TRPM2: variants seen among roughly 807,000 people sequenced by gnomAD.
TRPM2 encodes the protein transient receptor potential cation channel subfamily M member 2.
TRPM2 carries 161 observed loss-of-function variants against 174.0 expected under a neutral mutation model. The ratio of observed to expected loss-of-function variants is 0.93; its 90% confidence interval spans 0.81 to 1.05. The LOEUF (loss-of-function observed/expected upper bound fraction) is 1.05. Ranked by LOEUF, TRPM2 falls within the 50% of genes least tolerant of loss-of-function variation. The pLI, the probability that TRPM2 is intolerant of heterozygous loss-of-function variation, is 0.00. For synonymous variants in TRPM2, 954 were observed against 861.3 expected (o/e 1.11, Z -1.88); for missense variants, 2,057 against 2,038.0 (o/e 1.01, Z -0.18).
chr21:44,425,702 G>A lies in TRPM2; in HGVS notation c.3670G>A (p.Glu1224Lys). 1 of 1,558,956 alleles carries A rather than the reference G, an allele frequency of 6.4e-7. No homozygotes were observed. Among genetic ancestry groups the A allele is most frequent in the Non-Finnish European group, 8.7e-7 (1 of 1,149,876 alleles). ...SQKAAEEPDA[E>K]PGGRKKTEEP... ...GAAGGCCGCGGAGGAGCCGGATGCTGAGCCGGGAGGCAGGAAGAAGACGGA... is the reference window on the plus strand; with the variant it reads ...GAAGGCCGCGGAGGAGCCGGATGCTAAGCCGGGAGGCAGGAAGAAGACGGA... Residue 1224 changes from glutamate (E) to lysine (K), a missense_variant, in exon 25 of 32, where the codon GAG (glutamate) becomes AAG (lysine). Physicochemically the swap from Glu to Lys is moderately conservative, Grantham distance 56. Coordinates refer to ENST00000397928, the MANE Select transcript of TRPM2 (RefSeq NM_003307.4).
chr21:44,358,820 C>A (rs1286003048), intron 2 of TRPM2, among the ~76,000 whole-genome samples: 1 of 152,176 alleles, frequency 6.6e-6, no homozygotes, highest in Non-Finnish European at 1.5e-5. Context: ...CTTGGTCTCG[C>A]TGACTTCAAG....
chr21:44,351,579 T>G (rs1479217609), upstream of TRPM2, among the ~76,000 whole-genome samples: 2 of 152,234 alleles, frequency 1.3e-5, no homozygotes, highest in East Asian at 3.8e-4. Context: ...CTCAGGTGAC[T>G]TGTGAGAAAG....
chr21:44,413,815 G>A (rs1257739025), intron 19 of TRPM2, 76 bp from the exon 20 acceptor site: 21 of 1,531,112 alleles, frequency 1.4e-5, no homozygotes, highest in East Asian at 4.6e-5. Context: ...TGGAGGCCTC[G>A]AGGGCCCCCT....
rs971382275 is a variant in TRPM2, at chr21:44,354,414, G to A, written c.166-234G>A. On this transcript the variant is annotated intron_variant, in intron 1 of 31. Transcript: ENST00000397928. The surrounding 1 kb of genome is among the most constrained non-coding windows in gnomAD (Gnocchi z 4.3). ...GTGCTGTAGAAACTGTAAAGTGCGC[G>A]CACATTCAAAATGGTCCCAAGAGGA... is the stretch of plus-strand genomic sequence containing the variant. 6.6e-6 allele frequency among the ~76,000 whole-genome samples: 1 copy of A among 152,152 alleles called. No individual in the cohort carries two copies. Among genetic ancestry groups the A allele is most frequent in the African/African-American group, 2.4e-5 (1 of 41,434 alleles).
At position 44,373,810 on chromosome 21, in the gene TRPM2, A is replaced by G. The variant is rs138445951; in HGVS notation, c.772-2023A>G. Among the ~76,000 whole-genome samples the G allele has an allele frequency of 7.5e-3, 1,145 of 152,284 alleles. 18 individuals are homozygous for G. Among genetic ancestry groups the G allele is most frequent in the East Asian group, 0.03 (156 of 5,190 alleles). ...TCTCTGCGGCTAAATCTTCAAGTTCATCATTTACAGTTCTGCTCTCCACAA... is the reference window on the plus strand; with the variant it reads ...TCTCTGCGGCTAAATCTTCAAGTTCGTCATTTACAGTTCTGCTCTCCACAA... On this transcript the variant is annotated intron_variant, in intron 5 of 31. Coordinates refer to ENST00000397928, the MANE Select transcript of TRPM2 (RefSeq NM_003307.4).
intron 27 of TRPM2, among the ~76,000 whole-genome samples, chr21:44,431,694 T>C (rs1344645584): frequency 6.6e-6 from 1 of 152,228 alleles, no homozygotes; most frequent in Non-Finnish European, 1.5e-5. Context: ...GTCAGCCTGG[T>C]CTTGAACTCC....
rs2048699337 is a variant in TRPM2, at chr21:44,376,381, G to A, written c.952+368G>A. ...GGTCTGGGGGGCTGGCAGCTCACCT[G>A]TGTGCTCGCAGGTAATGGGCCAACC... On this transcript the variant is annotated intron_variant, in intron 6 of 31. Coordinates refer to ENST00000397928, the MANE Select transcript of TRPM2 (RefSeq NM_003307.4). This position sits in a 1 kb window ranked among gnomAD's most constrained non-coding sequence, Gnocchi z 4.2. 2.6e-5 allele frequency among the ~76,000 whole-genome samples: 4 copies of A among 152,174 alleles called. No individual in the cohort carries two copies. In the South Asian group the frequency reaches 8.3e-4, roughly 32 times the overall value.
intron 25 of TRPM2, 96 bp from the exon 26 acceptor site, chr21:44,426,564 G>A (rs925952029): frequency 1.4e-5 from 19 of 1,323,082 alleles, no homozygotes; most frequent in Middle Eastern, 1.9e-4. Flanking sequence ...TTGGGGTCGG[G>A]TTCAGACCCA....
intron 22 of TRPM2, among the ~76,000 whole-genome samples, chr21:44,419,311 C>G (rs929343007): frequency 1.3e-5 from 2 of 152,112 alleles, no homozygotes; most frequent in Admixed American, 6.5e-5. Context: ...GTGCCCTCCC[C>G]CTTAGAGACA....
In TRPM2 at chr21:44,366,697, G is replaced by C; in HGVS notation, c.424-57G>C. On this transcript the variant is annotated intron_variant, in intron 3 of 31. Transcript: ENST00000397928. The surrounding 1 kb of genome is among the most constrained non-coding windows in gnomAD (Gnocchi z 6.0). Reference sequence around the variant, plus strand: ...CTCTCTGCATGGCCTGTGTGGGTCGGTGCTGTCCCTGACCACTGACACACA... The same window carrying C: ...CTCTCTGCATGGCCTGTGTGGGTCGCTGCTGTCCCTGACCACTGACACACA... 36 of 1,610,602 alleles carry C rather than the reference G, an allele frequency of 2.2e-5. No homozygotes were observed. Among genetic ancestry groups the C allele is most frequent in the Non-Finnish European group, 3.0e-5 (35 of 1,179,268 alleles).
chr21:44,356,120 G>T (rs1321652167), intron 2 of TRPM2, among the ~76,000 whole-genome samples: 1 of 132,548 alleles, frequency 7.5e-6, no homozygotes, highest in Non-Finnish European at 1.6e-5. Flanking sequence ...CGAGGCAGGT[G>T]ATCCACCCGC....
chr21:44,381,323 G>T (rs1254830699), intron 8 of TRPM2, among the ~76,000 whole-genome samples: 1 of 152,012 alleles, frequency 6.6e-6, no homozygotes, highest in East Asian at 1.9e-4. Flanking sequence ...CTGGACACAG[G>T]GGGAAGGTGC....
At chr21:44,364,707 G>A (rs575775872) in intron 3 of TRPM2, among the ~76,000 whole-genome samples, 1 of 152,312 alleles carries the variant, frequency 6.6e-6, no homozygotes, top group African/African-American at 2.4e-5. Flanking sequence ...AAGGGGCCCA[G>A]GATAGCAGGG....
chr21:44,438,974 G>A lies in TRPM2; in HGVS notation c.4168-93G>A. On this transcript the variant is annotated intron_variant, in intron 29 of 31. Transcript: ENST00000397928. This position sits in a 1 kb window ranked among gnomAD's most constrained non-coding sequence, Gnocchi z 5.9. ...CTCCCAGGGCTGGGCCGCTGCCCAC[G>A]CCGGGCAGGAGGCCAGTGGAGACGG... The A allele has an allele frequency of 7.7e-6, 8 of 1,041,960 alleles. No homozygotes were observed. The highest frequency in any genetic ancestry group is 1.4e-5 in the South Asian group (1 of 72,376). 64.5% of individuals were successfully genotyped at this position (1,041,960 alleles called of 1,614,324 possible).
Position 44,369,352 on chromosome 21 carries a change from G to A in TRPM2, c.771+9G>A. 1 of 1,600,510 alleles carries A rather than the reference G, an allele frequency of 6.2e-7. No individual in the cohort carries two copies. On this transcript the variant is annotated intron_variant, in intron 5 of 31. Coordinates refer to ENST00000397928, the MANE Select transcript of TRPM2 (RefSeq NM_003307.4). ...GCCTGATCCATCCCACGGTGAGTGC[G>A]GCCCCCTAGGGAGGGGAGCCTAAGA...
intron 22 of TRPM2, among the ~76,000 whole-genome samples, chr21:44,420,681 C>T (rs943245295): frequency 6.6e-6 from 1 of 152,200 alleles, no homozygotes; most frequent in Non-Finnish European, 1.5e-5. Context: ...GGCCCAGATG[C>T]TGGGGGAAGG....
chr21:44,432,767 A>C lies in TRPM2; in HGVS notation c.3975-2364A>C, dbSNP rs1332334748. On this transcript the variant is annotated intron_variant, in intron 27 of 31. Coordinates refer to ENST00000397928, the MANE Select transcript of TRPM2 (RefSeq NM_003307.4). The surrounding 1 kb of genome is among the most constrained non-coding windows in gnomAD (Gnocchi z 4.9). ...GCAAAGATTCTGCCTTGTTCAACCC[A>C]TAGGCCAGCTCTCCACCCCTCAACC... Among the ~76,000 whole-genome samples the C allele has an allele frequency of 2.8e-4, 42 of 152,116 alleles. No homozygotes were observed. Among genetic ancestry groups the C allele is most frequent in the Admixed American group, 2.6e-3 (39 of 15,268 alleles).
upstream of TRPM2, among the ~76,000 whole-genome samples, chr21:44,351,136 TGCTGG>T (rs1293119223): frequency 2.0e-5 from 3 of 152,140 alleles, no homozygotes; most frequent in Admixed American, 6.5e-5. Flanking sequence ...CCGGGGAATC[TGCTGG>T]GCTGGGCTGG....
chr21:44,403,349 C>T (rs1327918736), intron 16 of TRPM2, among the ~76,000 whole-genome samples: 2 of 152,160 alleles, frequency 1.3e-5, no homozygotes, highest in African/African-American at 4.8e-5. Flanking sequence ...TCCCACAGCC[C>T]CTGCCAGGTC....
Sources: allele counts gnomAD v4.1 joint callset (sites outside exome capture counted in the v4.1 genomes callset), GRCh38; gene constraint gnomAD v4.1.1; non-coding constraint Gnocchi (gnomAD v3.1); transcripts MANE v1.5; gene names NCBI Gene and HGNC (gene_info 2026-07-23, HGNC 2026-07-21).